The following PABPC1L variants were observed in gnomAD, a reference collection of about 807,000 sequenced individuals.
PABPC1L encodes the protein poly(A) binding protein cytoplasmic 1 like, also known as polyadenylate-binding protein 1-like.
In PABPC1L, 31 loss-of-function variants were observed where a neutral mutation model predicts 66.6. The ratio of observed to expected loss-of-function variants is 0.47; its 90% CI spans 0.35 to 0.63. The LOEUF (loss-of-function observed/expected upper bound fraction) is 0.63. Ranked by LOEUF, PABPC1L falls within the 20% of genes least tolerant of loss-of-function variation. The pLI, the probability that PABPC1L is intolerant of heterozygous loss-of-function variation, is 0.00. For missense variants in PABPC1L, 722 were observed against 848.8 expected (o/e 0.85, Z 1.86); for synonymous variants, 348 against 335.1 (o/e 1.04, Z -0.42).
At chr20:44,924,762 A>G (rs530916029) in intron 7 of PABPC1L, among the ~76,000 whole-genome samples, 2 of 152,318 alleles carry the variant, frequency 1.3e-5, no homozygotes, top group Admixed American at 1.3e-4. Context: ...GCTTTAGCAG[A>G]TGTTGTCTTA....
chr20:44,911,367 G>A (rs1187373532), intron 1 of PABPC1L, among the ~76,000 whole-genome samples: 1 of 152,196 alleles, frequency 6.6e-6, no homozygotes, highest in Non-Finnish European at 1.5e-5. Context: ...GGGAGGCTGA[G>A]GCACGAGAAT....
rs759301023 is a variant in PABPC1L, at chr20:44,921,600, G to T, written c.745G>T (p.Val249Phe). The stretch of plus-strand genomic sequence containing the variant: ...TCCCTCCTCCTTTCCCCAGGCCGTG[G>T]TCCATATGAACGGGAAGGAGGTGAG... ...EKHEEAQKAV[V>F]HMNGKEVSGR... Residue 249 changes from valine to phenylalanine, a missense_variant, in exon 6 of 15, where the codon GTC becomes TTC. Around this residue, in one of 3 missense-constraint regions of PABPC1L, gnomAD observed 137 missense variants for 216.8 expected, o/e 0.63. Transcript: ENST00000217073. The T allele has an allele frequency of 1.9e-6, 3 of 1,613,922 alleles. No homozygotes were observed. Among genetic ancestry groups the T allele is most frequent in the Non-Finnish European group, 2.5e-6 (3 of 1,179,984 alleles).
At chr20:44,933,559 C>T (rs1361573992) in intron 10 of PABPC1L, among the ~76,000 whole-genome samples, 3 of 151,702 alleles carry the variant, frequency 2.0e-5, no homozygotes, top group Admixed American at 1.3e-4. Flanking sequence ...GATTGTCCTG[C>T]CTCAGCTTCC....
intron 6 of PABPC1L, 150 bp from the exon 7 acceptor site, chr20:44,924,011 G>A: frequency 6.0e-6 from 4 of 669,398 alleles, no homozygotes; most frequent in East Asian, 2.6e-5. Context: ...GAGGGATGGG[G>A]GTACCTGGGT....
chr20:44,927,543 G>A lies in PABPC1L; in HGVS notation c.973-2917G>A, dbSNP rs112854718. Among the ~76,000 whole-genome samples the A allele has an allele frequency of 7.6e-3, 1,158 of 151,718 alleles. 11 individuals are homozygous for A. The highest frequency in any genetic ancestry group is 0.026 in the African/African-American group (1,089 of 41,366). The stretch of plus-strand genomic sequence containing the variant: ...TTTGTATTTTTAGTAGAGATGGGGT[G>A]TCACTATTTTGGCCAGGCTGGTCTC... On this transcript the variant is annotated intron_variant, in intron 7 of 14. Coordinates refer to ENST00000217073, the MANE Select transcript of PABPC1L (RefSeq NM_001372179.1).
At chr20:44,922,191 T>C (rs1053132004) in intron 6 of PABPC1L, among the ~76,000 whole-genome samples, 13 of 152,194 alleles carry the variant, frequency 8.5e-5, no homozygotes, top group African/African-American at 3.1e-4. Context: ...GTGAATATTG[T>C]GGATCAGTGC....
intron 2 of PABPC1L, among the ~76,000 whole-genome samples, chr20:44,914,230 G>A (rs111732738): frequency 0.017 from 2,351 of 134,582 alleles, 38 homozygotes; most frequent in Non-Finnish European, 0.026. Flanking sequence ...TTTTTGAGAC[G>A]GAGTCTCACT....
At chr20:44,933,543 T>G (rs925409701) in intron 10 of PABPC1L, among the ~76,000 whole-genome samples, 1 of 151,904 alleles carries the variant, frequency 6.6e-6, no homozygotes, top group Admixed American at 6.6e-5. Context: ...CCTCCCAGGT[T>G]CAAGCGATTG....
At chr20:44,914,279 TCA>T (rs2066724347) in intron 2 of PABPC1L, among the ~76,000 whole-genome samples, 1 of 145,630 alleles carries the variant, frequency 6.9e-6, no homozygotes, top group Non-Finnish European at 1.5e-5. Flanking sequence ...CGATCTCAGC[TCA>T]CTGCAACCTC....
chr20:44,922,500 T>A (rs113654261), intron 6 of PABPC1L, among the ~76,000 whole-genome samples: 1,836 of 152,232 alleles, frequency 0.012, 31 homozygotes, highest in African/African-American at 0.039. Context: ...CCTCCCAAAG[T>A]GCTGGGATTA....
rs2066695467 is a variant in PABPC1L, at chr20:44,910,349, G to A, written c.193+13G>A. 3 of 1,492,810 alleles carry A rather than the reference G, an allele frequency of 2.0e-6. No homozygotes were observed. The highest frequency in any genetic ancestry group is 1.8e-6 in the Non-Finnish European group (2 of 1,113,472). 92.5% of individuals were successfully genotyped at this position (1,492,810 alleles called of 1,614,324 possible). On this transcript the variant is annotated intron_variant, in intron 1 of 14. Coordinates refer to ENST00000217073, the MANE Select transcript of PABPC1L (RefSeq NM_001372179.1). ...CAGCCCGCGGACGGTGAGCCCCGGG[G>A]ATGGGGCGGGAGGGGAAGGACCGAC...
intron 7 of PABPC1L, among the ~76,000 whole-genome samples, chr20:44,926,923 T>C (rs1392035377): frequency 6.6e-6 from 1 of 152,176 alleles, no homozygotes; most frequent in Non-Finnish European, 1.5e-5. Context: ...TTGCCCAGGC[T>C]GGAGGGCCAT....
intron 6 of PABPC1L, among the ~76,000 whole-genome samples, chr20:44,922,307 T>C (rs112189053): frequency 0.012 from 1,831 of 152,266 alleles, 31 homozygotes; most frequent in African/African-American, 0.039. Flanking sequence ...TGCAGTGGCA[T>C]GATCTTGGTT....
At chr20:44,934,258 T>C (rs537177394) in intron 10 of PABPC1L, among the ~76,000 whole-genome samples, 1 of 152,238 alleles carries the variant, frequency 6.6e-6, no homozygotes, top group Admixed American at 6.5e-5. Context: ...CGAGGTATAC[T>C]CAGTCTCTGG....
Position 44,936,681 on chromosome 20 carries a change from C to T in PABPC1L, c.1611C>T (p.Thr537=), listed in dbSNP as rs550264238. 20 of 1,607,918 alleles carry T rather than the reference C, an allele frequency of 1.2e-5. No individual in the cohort carries two copies. The highest frequency in any genetic ancestry group is 4.0e-5 in the African/African-American group (3 of 74,872). The change falls in exon 12 of 15, where the codon ACC becomes ACT. Residue 537 remains threonine (T), a synonymous_variant. Transcript: ENST00000217073. ...ACATCCCAGGACAGGAGCCCCTGAC[C>T]GCGTCCATGCTGGCTGCGGCGCCCC... ...AVHIPGQEPL[T]ASMLAAAPLH...
chr20:44,930,229 A>C (rs952181364), intron 7 of PABPC1L, among the ~76,000 whole-genome samples: 1 of 151,812 alleles, frequency 6.6e-6, no homozygotes, highest in African/African-American at 2.4e-5. Flanking sequence ...ATCACTCCTC[A>C]GTAAATGGGG....
intron 7 of PABPC1L, among the ~76,000 whole-genome samples, chr20:44,927,093 C>T (rs1219523978): frequency 6.6e-6 from 1 of 151,612 alleles, no homozygotes; most frequent in Non-Finnish European, 1.5e-5. Flanking sequence ...GCTGTGTTGT[C>T]CAGGCTTGTC....
chr20:44,926,945 G>T (rs2066813643), intron 7 of PABPC1L, among the ~76,000 whole-genome samples: 1 of 151,872 alleles, frequency 6.6e-6, no homozygotes, highest in Non-Finnish European at 1.5e-5. Context: ...ATGTGATCAT[G>T]GCACGCCACA....
intron 6 of PABPC1L, among the ~76,000 whole-genome samples, chr20:44,922,225 GA>G (rs2066779012): frequency 6.6e-6 from 1 of 152,122 alleles, no homozygotes; most frequent in Non-Finnish European, 1.5e-5. Flanking sequence ...ATTGGGAAGT[GA>G]ACCCCTCTAA....
Sources: gnomAD v4.1 joint callset for allele counts (sites outside exome capture counted in the v4.1 genomes callset) on GRCh38, gnomAD v4.1.1 for gene constraint, gnomAD v4.1.1 regional missense constraint, MANE v1.5 for transcripts, NCBI Gene and HGNC (gene_info 2026-07-23, HGNC 2026-07-21) for gene names.